Variants in MGRN1 observed in about 807,000 individuals in gnomAD.
The protein encoded by MGRN1 is E3 ubiquitin-protein ligase MGRN1.
MGRN1 carries 29 observed loss-of-function variants against 69.2 expected under a neutral mutation model. The ratio of observed to expected loss-of-function variants is 0.42; its 90% confidence interval spans 0.31 to 0.57. MGRN1 has a LOEUF of 0.57. Ranked by LOEUF, MGRN1 falls within the 20% of genes least tolerant of loss-of-function variation. The probability of loss-of-function intolerance (pLI) is 0.15; values close to 1 mark genes in which losing one functional copy is unlikely to be tolerated. For missense variants in MGRN1, 998 were observed against 796.2 expected, an observed-to-expected ratio of 1.25 and a Z score of -3.05; for synonymous variants, 470 against 344.2, an observed-to-expected ratio of 1.37 and a Z score of -4.04.
At chr16:4,669,851 A>G (rs1258483911) in intron 8 of MGRN1, among the ~76,000 whole-genome samples, 1 of 152,048 alleles carries the variant, frequency 6.6e-6, no homozygotes, top group Non-Finnish European at 1.5e-5. Flanking sequence ...GGGAAGTGTT[A>G]TTCCTGGTGG....
At chr16:4,672,708 A>G in intron 9 of MGRN1, among the ~76,000 whole-genome samples, 1 of 152,208 alleles carries the variant, frequency 6.6e-6, no homozygotes, top group East Asian at 1.9e-4. Context: ...ATTTATAGAA[A>G]CAGGCCACAG....
At chr16:4,678,296 G>T (rs1301851047) in intron 11 of MGRN1, among the ~76,000 whole-genome samples, 1 of 152,148 alleles carries the variant, frequency 6.6e-6, no homozygotes, top group Non-Finnish European at 1.5e-5. Context: ...AAGGGAGGTG[G>T]AACCCTGGCT....
At chr16:4,659,611 G>C (rs1211648854) in intron 5 of MGRN1, among the ~76,000 whole-genome samples, 1 of 152,276 alleles carries the variant, frequency 6.6e-6, no homozygotes, top group Non-Finnish European at 1.5e-5. Flanking sequence ...TGCTGAGGAA[G>C]CTGAAGGAGG....
At chr16:4,637,226 T>C (rs1167817892) in intron 1 of MGRN1, among the ~76,000 whole-genome samples, 1 of 151,512 alleles carries the variant, frequency 6.6e-6, no homozygotes, top group Non-Finnish European at 1.5e-5. Flanking sequence ...GGTCAGGAGT[T>C]GAAGACCAGC....
chr16:4,687,634 G>A, intron 16 of MGRN1: 1 of 973,098 alleles, frequency 1.0e-6, no homozygotes. Context: ...GGCAGCTCCA[G>A]GAGTGCCACC....
intron 1 of MGRN1, chr16:4,640,691 G>A (rs1010587312): frequency 1.3e-5 from 2 of 152,304 alleles, no homozygotes; most frequent in Admixed American, 1.3e-4. Context: ...GAGCCCACAG[G>A]AGGATTTTCA....
chr16:4,631,729 A>G (rs781067872), intron 1 of MGRN1, among the ~76,000 whole-genome samples: 2 of 152,202 alleles, frequency 1.3e-5, no homozygotes, highest in Admixed American at 6.5e-5. Context: ...GCATTTCCAT[A>G]TACATTTTAT....
intron 14 of MGRN1, 119 bp downstream of exon 14, chr16:4,683,065 T>G (rs930431327): frequency 6.8e-7 from 1 of 1,479,082 alleles, no homozygotes; most frequent in Non-Finnish European, 9.1e-7. Flanking sequence ...TTGTTGGCTC[T>G]TGCTGAGCTG....
At position 4,688,917 on chromosome 16, in the gene MGRN1, C is replaced by A; in HGVS notation, c.*9C>A. 1 of 1,535,678 alleles carries A rather than the reference C, an allele frequency of 6.5e-7. No homozygotes were observed. Among genetic ancestry groups the A allele is most frequent in the Non-Finnish European group, 8.8e-7 (1 of 1,135,946 alleles). ...AGCTGACCCCACTCTGAGAGCCTGG[C>A]CGAGCTGGCAGCATGGAGCCCTCGG... On this transcript the variant is annotated 3_prime_UTR_variant, in exon 17 of 17. Coordinates refer to ENST00000262370, the MANE Select transcript of MGRN1 (RefSeq NM_015246.4).
chr16:4,663,918 G>T (rs1474443613), intron 5 of MGRN1, among the ~76,000 whole-genome samples: 1 of 152,242 alleles, frequency 6.6e-6, no homozygotes, highest in Non-Finnish European at 1.5e-5. Context: ...TTGGACTCAA[G>T]CCAGCCTCGT....
rs538852441 is a variant in MGRN1 at position 4,658,103 on chromosome 16, T to C, written c.561+740T>C. Among the ~76,000 whole-genome samples the C allele has an allele frequency of 2.8e-4, 42 of 152,112 alleles. No homozygotes were observed. In the East Asian group the frequency reaches 7.8e-3, roughly 28 times the overall value. ...GTTGCGGCTTGAGTGGCTGCTTTGC[T>C]AGTTGCTCCTCCTAGGCCCCTCTCC... is the stretch of plus-strand genomic sequence containing the variant. On this transcript the variant is annotated intron_variant, in intron 5 of 16. Coordinates refer to ENST00000262370, the MANE Select transcript of MGRN1 (RefSeq NM_015246.4).
At chr16:4,679,694 T>C (rs1308121609) in intron 11 of MGRN1, among the ~76,000 whole-genome samples, 3 of 151,956 alleles carry the variant, frequency 2.0e-5, no homozygotes, top group Non-Finnish European at 4.4e-5. Context: ...GCACCCAGCC[T>C]GCATTAGGCA....
intron 2 of MGRN1, 160 bp downstream of exon 2, chr16:4,650,643 C>A (rs113321525): frequency 1.9e-5 from 11 of 572,792 alleles, no homozygotes; most frequent in Non-Finnish European, 1.8e-5. Flanking sequence ...TGGGCACGTG[C>A]CCTGGAATGG....
chr16:4,684,081 T>C, intron 16 of MGRN1, 149 bp downstream of exon 16: 1 of 753,808 alleles, frequency 1.3e-6, no homozygotes, highest in South Asian at 1.8e-5. Context: ...CCCCTGCTAT[T>C]GACCGTGAAG....
At chr16:4,661,630 C>T (rs369894580) in intron 5 of MGRN1, among the ~76,000 whole-genome samples, 40 of 152,382 alleles carry the variant, frequency 2.6e-4, no homozygotes, top group African/African-American at 8.2e-4. Flanking sequence ...CCTGCCAGCT[C>T]CTGGCTCCAC....
chr16:4,687,330 C>G (rs1361859024), intron 16 of MGRN1: 3 of 972,032 alleles, frequency 3.1e-6, no homozygotes, highest in Non-Finnish European at 3.7e-6. Context: ...GGATAGATCA[C>G]TTGAGCCCAG....
rs771500458 is a variant in MGRN1, at chr16:4,683,207, T to C, written c.1483-17T>C. 6.8e-6 allele frequency: 11 copies of C among 1,613,300 alleles called. No homozygotes were observed. The highest frequency in any genetic ancestry group is 9.3e-6 in the Non-Finnish European group (11 of 1,179,908). The stretch of plus-strand genomic sequence containing the variant: ...CGGCTCTCTGAGCTCTAGGCTACTT[T>C]CCCCTTTGTTTCCTAGAGTTTCATA... On this transcript the variant is annotated splice_polypyrimidine_tract_variant and intron_variant, in intron 14 of 16. Coordinates refer to ENST00000262370, the MANE Select transcript of MGRN1 (RefSeq NM_015246.4).
At chr16:4,682,620 G>A (rs1191677170) in intron 13 of MGRN1, among the ~76,000 whole-genome samples, 1 of 152,180 alleles carries the variant, frequency 6.6e-6, no homozygotes, top group Non-Finnish European at 1.5e-5. Flanking sequence ...CCCCTCTGTC[G>A]GGCGGGTCTG....
At chr16:4,635,874 C>G (rs1198250071) in intron 1 of MGRN1, among the ~76,000 whole-genome samples, 3 of 148,288 alleles carry the variant, frequency 2.0e-5, no homozygotes, top group African/African-American at 7.5e-5. Flanking sequence ...GTCTTGAACT[C>G]CTGACCTTGT....
Sources: allele counts gnomAD v4.1 joint callset (sites outside exome capture counted in the v4.1 genomes callset), GRCh38; gene constraint gnomAD v4.1.1; transcripts MANE v1.5; gene names NCBI Gene and HGNC (gene_info 2026-07-23, HGNC 2026-07-21).